The following NDUFB5 variants were observed in gnomAD, a reference collection of about 807,000 sequenced individuals.
The protein encoded by NDUFB5 is NADH dehydrogenase [ubiquinone] 1 beta subcomplex subunit 5, mitochondrial.
A neutral mutation model predicts 19.4 loss-of-function variants in NDUFB5; 19 were observed. That is an observed-to-expected ratio of 0.98 (90% CI 0.68 to 1.43). The LOEUF (loss-of-function observed/expected upper bound fraction) is 1.43. Ranked by LOEUF, NDUFB5 falls within the 40% of genes most tolerant of loss-of-function variation. The pLI is 0.00. For missense variants in NDUFB5, 233 were observed against 236.5 expected (o/e 0.99, Z 0.10); for synonymous variants, 80 against 82.6 (o/e 0.97, Z 0.17).
In NDUFB5 at chr3:179,607,666, TCAC is replaced by T; in HGVS notation, c.124+2730_124+2732del. 10 of 680,756 alleles carry T rather than the reference TCAC, an allele frequency of 1.5e-5. No individual in the cohort carries two copies. In the South Asian group the frequency reaches 1.6e-4, roughly 11 times the overall value. 42.2% of individuals were successfully genotyped at this position (680,756 alleles called of 1,614,324 possible). A position where few individuals can be genotyped will look rare whatever the true frequency, so the allele number is the denominator to read the frequency against. ...ATACATTCCTAATGCTATGCAACCA[TCAC>T]CATCATCCAACTCCAGAACTTTTTT... On this transcript the variant is annotated intron_variant, in intron 1 of 5. Coordinates refer to ENST00000259037, the MANE Select transcript of NDUFB5 (RefSeq NM_002492.4).
chr3:179,621,315 C>T (rs895174463), intron 5 of NDUFB5, among the ~76,000 whole-genome samples: 1 of 152,016 alleles, frequency 6.6e-6, no homozygotes, highest in African/African-American at 2.4e-5. Flanking sequence ...TGGGTTCAAG[C>T]GATCCACCCT....
In NDUFB5 at chr3:179,625,270, G is replaced by T. The variant is rs927288989; in HGVS notation, c.*1230G>T. The T allele has an allele frequency of 2.0e-5, 3 of 152,104 alleles. No individual in the cohort carries two copies. Among genetic ancestry groups the T allele is most frequent in the Non-Finnish European group, 4.4e-5 (3 of 68,016 alleles). The allele number at this position is 152,104 out of a possible 1,614,324, so 9.4% of individuals were successfully genotyped here. ...CTTATCAATGCATCTCATCTTAGAA[G>T]TATGTTTTACATTCTTCATAAAAAT... On this transcript the variant is annotated 3_prime_UTR_variant, in exon 6 of 6. Transcript: ENST00000259037.
chr3:179,614,984 C>G lies in NDUFB5; in HGVS notation c.138C>G (p.His46Gln), dbSNP rs770855347. 6 of 1,608,042 alleles carry G rather than the reference C, an allele frequency of 3.7e-6. No individual in the cohort carries two copies. The highest frequency in any genetic ancestry group is 5.1e-6 in the Non-Finnish European group (6 of 1,175,784). Residue 46 changes from histidine (H) to glutamine (Q), a missense_variant, in exon 2 of 6, where the codon CAC (histidine) becomes CAG (glutamine). Coordinates refer to ENST00000259037, the MANE Select transcript of NDUFB5 (RefSeq NM_002492.4). The stretch of plus-strand genomic sequence containing the variant: ...CAATATTCCCAGCTCCTGTTCGACA[C>G]AGTGGAGACCATGGGAAAAGACTAT... ...GFPKAAAPVR[H>Q]SGDHGKRLFV...
chr3:179,606,362 G>A (rs961136047), intron 1 of NDUFB5, among the ~76,000 whole-genome samples: 7 of 151,374 alleles, frequency 4.6e-5, no homozygotes, highest in South Asian at 2.1e-4. Context: ...TTTTCAAGAC[G>A]GAGTCTTGCT....
intron 5 of NDUFB5, among the ~76,000 whole-genome samples, chr3:179,621,651 C>T (rs758859132): frequency 1.6e-4 from 24 of 151,410 alleles, no homozygotes; most frequent in Admixed American, 5.3e-4. Flanking sequence ...CACCACACCC[C>T]GCAAATTTTT....
chr3:179,621,806 A>G (rs140899896), intron 5 of NDUFB5, among the ~76,000 whole-genome samples: 173 of 152,100 alleles, frequency 1.1e-3, no homozygotes, highest in African/African-American at 3.8e-3. Flanking sequence ...AGTACATTTA[A>G]TATCAGTGTT....
Position 179,627,225 on chromosome 3 carries a change from T to A in NDUFB5, c.*3185T>A, listed in dbSNP as rs1459208844. On this transcript the variant is annotated 3_prime_UTR_variant, in exon 6 of 6. Coordinates refer to ENST00000259037, the MANE Select transcript of NDUFB5 (RefSeq NM_002492.4). ...AGGAATTAAAAGAAATCAAAGAGTG[T>A]GTAAGCAGAAACTCAGTTGTACGTA... 1 of 152,120 alleles carries A rather than the reference T, an allele frequency of 6.6e-6. No homozygotes were observed. Among genetic ancestry groups the A allele is most frequent in the Non-Finnish European group, 1.5e-5 (1 of 68,022 alleles). 9.4% of individuals were successfully genotyped at this position (152,120 alleles called of 1,614,324 possible).
chr3:179,621,612 C>T (rs1719539886), intron 5 of NDUFB5, among the ~76,000 whole-genome samples: 1 of 151,520 alleles, frequency 6.6e-6, no homozygotes, highest in African/African-American at 2.4e-5. Context: ...GCCTCAGCCT[C>T]CCGAGTAGCT....
intron 1 of NDUFB5, among the ~76,000 whole-genome samples, chr3:179,605,815 A>G (rs1719077738): frequency 6.7e-6 from 1 of 149,018 alleles, no homozygotes; most frequent in South Asian, 2.1e-4. Flanking sequence ...TTCTTTTGAG[A>G]CAGTCTCACT....
In NDUFB5 at chr3:179,611,859, T is replaced by A. The variant is rs1719250728; in HGVS notation, c.125-3112T>A. On this transcript the variant is annotated intron_variant, in intron 1 of 5. Coordinates refer to ENST00000259037, the MANE Select transcript of NDUFB5 (RefSeq NM_002492.4). The stretch of plus-strand genomic sequence containing the variant: ...GCCTTGGGCCTATGAAATTAATAAA[T>A]ACTTAATGGAGAAATTTCAGGCTTT... 2.6e-5 allele frequency among the ~76,000 whole-genome samples: 4 copies of A among 151,326 alleles called. No homozygotes were observed. The South Asian group carries it at 8.3e-4, about 31-fold the overall frequency.
rs943791357 is a variant in NDUFB5 at position 179,605,089 on chromosome 3, T to C, written c.124+150T>C. On this transcript the variant is annotated intron_variant, in intron 1 of 5. Coordinates refer to ENST00000259037, the MANE Select transcript of NDUFB5 (RefSeq NM_002492.4). ...CAGGAGAGACGGAGCACGAGCTATA[T>C]GAGGGGTTTTCCTGAAGTAGCCAGA... The C allele has an allele frequency of 4.2e-6, 5 of 1,204,094 alleles. No individual in the cohort carries two copies. The African/African-American group carries it at 7.9e-5, about 19-fold the overall frequency. 74.6% of individuals were successfully genotyped at this position (1,204,094 alleles called of 1,614,324 possible).
intron 5 of NDUFB5, 137 bp from the exon 6 acceptor site, chr3:179,623,783 G>A: frequency 3.8e-6 from 4 of 1,055,108 alleles, no homozygotes; most frequent in African/African-American, 3.2e-5. Flanking sequence ...CCAGATGTAT[G>A]CCTACATAAG....
chr3:179,617,271 G>A (rs1398596214), intron 4 of NDUFB5: 1 of 328,924 alleles, frequency 3.0e-6, no homozygotes, highest in Non-Finnish European at 5.6e-6. Flanking sequence ...CCACGTCGCT[G>A]GGATCACAGG....
At chr3:179,614,093 A>C (rs1043600713) in intron 1 of NDUFB5, among the ~76,000 whole-genome samples, 1 of 152,222 alleles carries the variant, frequency 6.6e-6, no homozygotes, top group Admixed American at 6.5e-5. Context: ...GTAGTTACAC[A>C]GTGAAAAGAT....
chr3:179,617,605 T>G (rs1027253819), intron 4 of NDUFB5, among the ~76,000 whole-genome samples: 4 of 152,194 alleles, frequency 2.6e-5, no homozygotes, highest in Non-Finnish European at 5.9e-5. Context: ...GTAACATAAT[T>G]TATCCTAAGT....
chr3:179,626,691 C>G lies in NDUFB5; in HGVS notation c.*2651C>G, dbSNP rs982397126. 1 of 152,062 alleles carries G rather than the reference C, an allele frequency of 6.6e-6. No individual in the cohort carries two copies. Among genetic ancestry groups the G allele is most frequent in the Non-Finnish European group, 1.5e-5 (1 of 68,024 alleles). The allele number at this position is 152,062 out of a possible 1,614,324, so 9.4% of individuals were successfully genotyped here. ...GATTACAGGTGTGCACCACCACACCCAGCTAATTTTTTTGTATTTTTAGTA... is the reference window on the plus strand; with the variant it reads ...GATTACAGGTGTGCACCACCACACCGAGCTAATTTTTTTGTATTTTTAGTA... On this transcript the variant is annotated 3_prime_UTR_variant, in exon 6 of 6. Coordinates refer to ENST00000259037, the MANE Select transcript of NDUFB5 (RefSeq NM_002492.4).
At chr3:179,610,561 TC>T (rs1237723080) in intron 1 of NDUFB5, among the ~76,000 whole-genome samples, 2 of 152,252 alleles carry the variant, frequency 1.3e-5, no homozygotes, top group African/African-American at 4.8e-5. Context: ...TTTAAAATTT[TC>T]ATGAAGTCCA....
intron 1 of NDUFB5, among the ~76,000 whole-genome samples, chr3:179,613,772 G>A (rs147690625): frequency 5.3e-4 from 81 of 152,274 alleles, no homozygotes; most frequent in Middle Eastern, 3.4e-3. Context: ...CCAAAATTAA[G>A]AAGATAGTTC....
chr3:179,608,941 G>T (rs563513627), intron 1 of NDUFB5, among the ~76,000 whole-genome samples: 2 of 152,206 alleles, frequency 1.3e-5, no homozygotes, highest in South Asian at 4.2e-4. Context: ...TAAAGTGTTG[G>T]GATTACAGCT....
Sources: allele counts gnomAD v4.1 joint callset (sites outside exome capture counted in the v4.1 genomes callset), GRCh38; gene constraint gnomAD v4.1.1; transcripts MANE v1.5; gene names NCBI Gene and HGNC (gene_info 2026-07-23, HGNC 2026-07-21).